Variants in ARHGAP28 observed in about 807,000 individuals in gnomAD.
ARHGAP28 encodes rho GTPase-activating protein 28.
A neutral mutation model predicts 90.7 loss-of-function variants in ARHGAP28; 56 were observed. The ratio of observed to expected loss-of-function variants is 0.62; its 90% CI spans 0.50 to 0.77. ARHGAP28 has a LOEUF of 0.77. Ranked by LOEUF, ARHGAP28 falls within the 30% of genes least tolerant of loss-of-function variation. ARHGAP28 has a pLI of 0.00. For synonymous variants in ARHGAP28, 308 were observed against 323.3 expected (o/e 0.95, Z 0.51); for missense variants, 869 against 900.9 (o/e 0.96, Z 0.45).
chr18:6,777,750 GTGAATGAA>G (rs374977705), intron 1 of ARHGAP28, among the ~76,000 whole-genome samples: 3 of 150,748 alleles, frequency 2.0e-5, no homozygotes, highest in African/African-American at 5.0e-5. Flanking sequence ...GAATGAATGA[GTGAATGAA>G]TGAATGAATG....
At chr18:6,871,015 T>C (rs1427462136) in intron 7 of ARHGAP28, among the ~76,000 whole-genome samples, 2 of 152,204 alleles carry the variant, frequency 1.3e-5, no homozygotes, top group African/African-American at 4.8e-5. Flanking sequence ...TTAGCCAGGA[T>C]GGTCTCGATC....
intron 3 of ARHGAP28, among the ~76,000 whole-genome samples, chr18:6,838,275 A>T (rs1209484606): frequency 1.3e-5 from 2 of 152,226 alleles, no homozygotes; most frequent in Non-Finnish European, 2.9e-5. Context: ...AAGCTAGTTA[A>T]TCATTCTGAT....
chr18:6,834,520 G>A (rs1301963177), intron 2 of ARHGAP28: 1 of 152,182 alleles, frequency 6.6e-6, no homozygotes, highest in South Asian at 2.1e-4. Flanking sequence ...GGAGAGTATG[G>A]TATAAGCATG....
intron 11 of ARHGAP28, among the ~76,000 whole-genome samples, chr18:6,886,080 G>A (rs1043719627): frequency 6.6e-6 from 1 of 152,074 alleles, no homozygotes; most frequent in African/African-American, 2.4e-5. Flanking sequence ...TTGCTTGGTT[G>A]TATACACTTG....
intron 2 of ARHGAP28, among the ~76,000 whole-genome samples, chr18:6,832,430 C>T (rs1206617025): frequency 6.6e-6 from 1 of 151,970 alleles, no homozygotes; most frequent in Non-Finnish European, 1.5e-5. Flanking sequence ...GTGGTGGTAA[C>T]TTTAATCACA....
intron 3 of ARHGAP28, among the ~76,000 whole-genome samples, chr18:6,846,465 C>T (rs1222123062): frequency 3.3e-5 from 5 of 152,150 alleles, no homozygotes; most frequent in African/African-American, 9.7e-5. Flanking sequence ...GAAGGTAGAC[C>T]GAGGTCTGGA....
chr18:6,910,659 T>G (rs377641100), intron 17 of ARHGAP28, among the ~76,000 whole-genome samples: 7 of 152,144 alleles, frequency 4.6e-5, no homozygotes, highest in African/African-American at 1.7e-4. Context: ...CTCATGTTCT[T>G]ATCACCAGTG....
Position 6,814,936 on chromosome 18 carries a change from C to A in ARHGAP28, c.123-9826C>A, listed in dbSNP as rs73382775. ...GTTAGTAAAGAGCCAGAAAAAGCTT[C>A]TTTTTGCTCATATTCTCTTTCATAG... On this transcript the variant is annotated intron_variant, in intron 1 of 17. Transcript: ENST00000383472. Among the ~76,000 whole-genome samples the A allele has an allele frequency of 8.1e-3, 1,228 of 152,208 alleles. 20 individuals are homozygous for A. The highest frequency in any genetic ancestry group is 0.029 in the African/African-American group (1,189 of 41,508).
chr18:6,898,384 A>G, intron 16 of ARHGAP28: 1 of 808,160 alleles, frequency 1.2e-6, no homozygotes, highest in South Asian at 1.7e-5. Flanking sequence ...TTTTATATAT[A>G]ATATATACAC....
chr18:6,820,405 A>G (rs1417726743), intron 1 of ARHGAP28, among the ~76,000 whole-genome samples: 1 of 152,232 alleles, frequency 6.6e-6, no homozygotes, highest in Non-Finnish European at 1.5e-5. Context: ...AAAGCAGATT[A>G]TGAAGAACAT....
At chr18:6,894,941 C>T in intron 15 of ARHGAP28, 50 bp downstream of exon 15, 1 of 1,520,150 alleles carries the variant, frequency 6.6e-7, no homozygotes. Context: ...ATATAGTCTT[C>T]TCTGGCGACA....
At chr18:6,745,975 C>T (rs1350737234) in intron 1 of ARHGAP28, among the ~76,000 whole-genome samples, 2 of 152,176 alleles carry the variant, frequency 1.3e-5, no homozygotes, top group African/African-American at 4.8e-5. Context: ...CAGGACACTG[C>T]ATCTGGAGAC....
intron 2 of ARHGAP28, among the ~76,000 whole-genome samples, chr18:6,831,332 T>C (rs1248621034): frequency 6.6e-6 from 1 of 152,140 alleles, no homozygotes; most frequent in African/African-American, 2.4e-5. Flanking sequence ...TTGTCAGATA[T>C]ATGTATTGCA....
intron 1 of ARHGAP28, among the ~76,000 whole-genome samples, chr18:6,741,137 T>G (rs2055973847): frequency 6.6e-6 from 1 of 152,170 alleles, no homozygotes; most frequent in Non-Finnish European, 1.5e-5. Context: ...TGAAAACATA[T>G]TTGCTGTGAC....
In ARHGAP28 at chr18:6,879,865, GA is replaced by G. The variant is rs768642203; in HGVS notation, c.1291-2271del. ...TGTACATTGAGAAGCTTGAAGCACA[GA>G]CCATAACCTAGTCAGTTGCTGAGTT... is the stretch of plus-strand genomic sequence containing the variant. On this transcript the variant is annotated intron_variant, in intron 10 of 17. Transcript: ENST00000383472. Among the ~76,000 whole-genome samples, 582 of 152,292 alleles carry G rather than the reference GA, an allele frequency of 3.8e-3. 3 individuals are homozygous for G. In the South Asian group the frequency reaches 0.048, roughly 13 times the overall value.
At chr18:6,825,158 G>A (rs1021634862) in intron 2 of ARHGAP28, among the ~76,000 whole-genome samples, 194 bp downstream of exon 2, 5 of 152,218 alleles carry the variant, frequency 3.3e-5, no homozygotes, top group African/African-American at 1.2e-4. Context: ...TATCCCAGGT[G>A]ACATGACCCA....
At chr18:6,889,830 C>A in intron 12 of ARHGAP28, 58 bp from the exon 13 acceptor site, 1 of 1,493,812 alleles carries the variant, frequency 6.7e-7, no homozygotes, top group Non-Finnish European at 9.3e-7. Flanking sequence ...TGAATGATAG[C>A]AATCAGGGGC....
Position 6,734,012 on chromosome 18 carries a change from A to G in ARHGAP28, c.122+4069A>G, listed in dbSNP as rs560444702. On this transcript the variant is annotated intron_variant, in intron 1 of 17. Transcript: ENST00000383472. Reference sequence around the variant, plus strand: ...ATTCCAACCACTGCGAAATTTATTCATGCAGCAAAGAGACTCACAAGTCAT... The same window carrying G: ...ATTCCAACCACTGCGAAATTTATTCGTGCAGCAAAGAGACTCACAAGTCAT... 3.5e-4 allele frequency among the ~76,000 whole-genome samples: 53 copies of G among 152,332 alleles called. 1 individual carries two copies. The highest frequency in any genetic ancestry group is 1.1e-3 in the African/African-American group (47 of 41,588).
intron 2 of ARHGAP28, among the ~76,000 whole-genome samples, chr18:6,833,265 G>A (rs911431587): frequency 3.1e-4 from 47 of 151,840 alleles, no homozygotes; most frequent in East Asian, 3.9e-4. Context: ...AAAGCCATTC[G>A]CTGTATAATC....
Sources: allele counts gnomAD v4.1 joint callset (sites outside exome capture counted in the v4.1 genomes callset), GRCh38; gene constraint gnomAD v4.1.1; transcripts MANE v1.5; gene names NCBI Gene and HGNC (gene_info 2026-07-23, HGNC 2026-07-21).